Variants in FNDC3B observed in about 807,000 individuals in gnomAD.
FNDC3B encodes the protein fibronectin type III domain containing 3B.
A neutral mutation model predicts 151.5 loss-of-function variants in FNDC3B; 12 were observed. The observed-to-expected ratio is 0.08, with a 90% CI of 0.05 to 0.13. The LOEUF (loss-of-function observed/expected upper bound fraction) is 0.13. Ranked by LOEUF, FNDC3B falls within the 10% of genes least tolerant of loss-of-function variation. FNDC3B has a pLI of 1.00. For missense variants in FNDC3B, 1,214 were observed against 1,505.3 expected, an observed-to-expected ratio of 0.81 and a Z score of 3.20; for synonymous variants, 528 against 549.0, an observed-to-expected ratio of 0.96 and a Z score of 0.54.
intron 1 of FNDC3B, among the ~76,000 whole-genome samples, chr3:172,066,102 G>A (rs1420867957): frequency 3.3e-5 from 5 of 152,158 alleles, no homozygotes; most frequent in Non-Finnish European, 4.4e-5. Flanking sequence ...TTTGGGTTGC[G>A]TTTGCTTGTC....
intron 3 of FNDC3B, among the ~76,000 whole-genome samples, chr3:172,137,038 G>A (rs1399612737): frequency 1.3e-5 from 2 of 152,182 alleles, no homozygotes; most frequent in Non-Finnish European, 2.9e-5. Flanking sequence ...GTGATGGGTG[G>A]TGGTGGCCTT....
chr3:172,042,115 A>G (rs1177407075), intron 1 of FNDC3B, among the ~76,000 whole-genome samples: 1 of 152,256 alleles, frequency 6.6e-6, no homozygotes, highest in Non-Finnish European at 1.5e-5. Context: ...CGTTCATTTA[A>G]AAGATGCTAA....
chr3:172,314,254 G>A (rs1318567305), intron 11 of FNDC3B, among the ~76,000 whole-genome samples: 1 of 151,548 alleles, frequency 6.6e-6, no homozygotes, highest in African/African-American at 2.4e-5. Flanking sequence ...AAGGATATCT[G>A]CTCCAGCCAC....
intron 15 of FNDC3B, among the ~76,000 whole-genome samples, chr3:172,336,748 A>G (rs978452078): frequency 6.6e-6 from 1 of 151,922 alleles, no homozygotes; most frequent in African/African-American, 2.4e-5. Flanking sequence ...TAAAAATACA[A>G]AAAAATTAGC....
chr3:172,274,859 A>G (rs990664517), intron 6 of FNDC3B, among the ~76,000 whole-genome samples: 20 of 152,188 alleles, frequency 1.3e-4, no homozygotes, highest in African/African-American at 4.6e-4. Flanking sequence ...GACACCTGTC[A>G]TATTAAATTA....
chr3:172,187,672 G>A (rs965553438), intron 3 of FNDC3B, among the ~76,000 whole-genome samples: 1 of 152,080 alleles, frequency 6.6e-6, no homozygotes, highest in Non-Finnish European at 1.5e-5. Flanking sequence ...CCCTCTTTTG[G>A]AGACTGGATT....
At chr3:172,050,866 C>T (rs1208150726) in intron 1 of FNDC3B, among the ~76,000 whole-genome samples, 1 of 151,952 alleles carries the variant, frequency 6.6e-6, no homozygotes, top group East Asian at 1.9e-4. Flanking sequence ...TTGTGGCCTA[C>T]TAATTTCTCT....
At chr3:172,310,937 C>A in intron 11 of FNDC3B, 56 bp downstream of exon 11, 1 of 1,178,866 alleles carries the variant, frequency 8.5e-7, no homozygotes, top group Non-Finnish European at 1.3e-6. Context: ...ACAAAATTAA[C>A]TGAACAAATG....
chr3:172,144,480 G>A (rs540006526), intron 3 of FNDC3B, among the ~76,000 whole-genome samples: 1 of 152,238 alleles, frequency 6.6e-6, no homozygotes, highest in Admixed American at 6.5e-5. Context: ...GAGTGCATTC[G>A]TGGTGGGATG....
At chr3:172,077,889 A>C (rs937696618) in intron 1 of FNDC3B, among the ~76,000 whole-genome samples, 11 of 152,216 alleles carry the variant, frequency 7.2e-5, no homozygotes, top group African/African-American at 2.7e-4. Context: ...AAAATAAAGC[A>C]CACAGAAAAG....
Position 172,096,325 on chromosome 3 carries a change from A to G in FNDC3B, c.-28-16127A>G, listed in dbSNP as rs554425124. ...TATAAACGTAGAAACAAGGAATTGC[A>G]TTTTTATTAATTCATGGAATCCAGT... is the stretch of plus-strand genomic sequence containing the variant. On this transcript the variant is annotated intron_variant, in intron 1 of 25. Coordinates refer to ENST00000415807, the MANE Select transcript of FNDC3B (RefSeq NM_022763.4). Among the ~76,000 whole-genome samples the G allele has an allele frequency of 3.3e-5, 5 of 152,340 alleles. No individual in the cohort carries two copies. In the East Asian group the frequency reaches 5.8e-4, roughly 18 times the overall value.
At chr3:172,159,208 G>A (rs1722650219) in intron 3 of FNDC3B, among the ~76,000 whole-genome samples, 1 of 152,230 alleles carries the variant, frequency 6.6e-6, no homozygotes, top group Admixed American at 6.5e-5. Flanking sequence ...GAACCTGGGA[G>A]GCGGAGGTTG....
intron 6 of FNDC3B, among the ~76,000 whole-genome samples, chr3:172,278,369 G>A (rs901448100): frequency 1.2e-4 from 19 of 152,306 alleles, no homozygotes; most frequent in Non-Finnish European, 2.5e-4. Context: ...TCTATCCTGT[G>A]TTTAAGTGAC....
chr3:172,228,709 G>A (rs1015858014), intron 4 of FNDC3B, among the ~76,000 whole-genome samples: 6 of 152,078 alleles, frequency 3.9e-5, no homozygotes, highest in African/African-American at 1.4e-4. Flanking sequence ...AGACAATATT[G>A]GAAGAATAGT....
chr3:172,248,002 C>T (rs2108771582), intron 5 of FNDC3B, among the ~76,000 whole-genome samples: 1 of 152,224 alleles, frequency 6.6e-6, no homozygotes. Flanking sequence ...ACAAACTCGG[C>T]CCCAACCCCC....
intron 22 of FNDC3B, among the ~76,000 whole-genome samples, chr3:172,361,224 A>G (rs1014807843): frequency 1.3e-5 from 2 of 152,190 alleles, no homozygotes; most frequent in African/African-American, 4.8e-5. Flanking sequence ...TGGTTGCTCT[A>G]CAGACTGCAT....
intron 3 of FNDC3B, among the ~76,000 whole-genome samples, chr3:172,156,699 T>G (rs561686509): frequency 2.2e-4 from 33 of 152,030 alleles, no homozygotes; most frequent in African/African-American, 4.1e-4. Flanking sequence ...TTGAAGTTTT[T>G]TTTTTTTTTT....
chr3:172,186,112 G>C (rs942568211), intron 3 of FNDC3B, among the ~76,000 whole-genome samples: 1 of 152,178 alleles, frequency 6.6e-6, no homozygotes, highest in Non-Finnish European at 1.5e-5. Flanking sequence ...GAAGCTTCAC[G>C]AATTTTTATG....
intron 3 of FNDC3B, among the ~76,000 whole-genome samples, chr3:172,197,470 T>A (rs1724899150): frequency 6.6e-6 from 1 of 152,218 alleles, no homozygotes; most frequent in African/African-American, 2.4e-5. Context: ...CCATCAACAT[T>A]AGGACACTTA....
Sources: gnomAD v4.1 joint callset for allele counts (sites outside exome capture counted in the v4.1 genomes callset) on GRCh38, gnomAD v4.1.1 for gene constraint, MANE v1.5 for transcripts, NCBI Gene and HGNC (gene_info 2026-07-23, HGNC 2026-07-21) for gene names.